The following NCAM2 variants were observed in gnomAD, a reference collection of about 807,000 sequenced individuals.
NCAM2 encodes N-CAM-2.
A neutral mutation model predicts 98.1 loss-of-function variants in NCAM2; 30 were observed. That is an observed-to-expected ratio of 0.31 (90% CI 0.23 to 0.41). The LOEUF (loss-of-function observed/expected upper bound fraction) is 0.41. Ranked by LOEUF, NCAM2 falls within the 10% of genes least tolerant of loss-of-function variation. The pLI, the probability that NCAM2 is intolerant of heterozygous loss-of-function variation, is 1.00. For missense variants in NCAM2, 867 were observed against 1,005.8 expected, an observed-to-expected ratio of 0.86 and a Z score of 1.87; for synonymous variants, 368 against 342.4, an observed-to-expected ratio of 1.07 and a Z score of -0.83.
At chr21:21,469,081 C>T (rs571294371) in intron 14 of NCAM2, among the ~76,000 whole-genome samples, 2 of 152,010 alleles carry the variant, frequency 1.3e-5, no homozygotes, top group South Asian at 2.1e-4. Flanking sequence ...TGACAAGCTT[C>T]TCATTTTATT....
intron 1 of NCAM2, among the ~76,000 whole-genome samples, chr21:21,143,804 GTTTTTT>G (rs201614786): frequency 1.6e-5 from 2 of 123,428 alleles, no homozygotes; most frequent in Non-Finnish European, 3.3e-5. Context: ...TTTTTAGGAA[GTTTTTT>G]TTTTTTTTTT....
chr21:21,535,523 A>C (rs938758995), intron 17 of NCAM2, among the ~76,000 whole-genome samples: 2 of 152,088 alleles, frequency 1.3e-5, no homozygotes, highest in African/African-American at 2.4e-5. Context: ...AAATGATTTT[A>C]TTTTCATAAA....
intron 1 of NCAM2, among the ~76,000 whole-genome samples, chr21:21,176,944 AT>A (rs1182544485): frequency 1.3e-5 from 2 of 151,992 alleles, no homozygotes; most frequent in Non-Finnish European, 2.9e-5. Context: ...CATACCTATT[AT>A]AACCAAAAAT....
intron 1 of NCAM2, among the ~76,000 whole-genome samples, chr21:21,129,380 A>C (rs143684561): frequency 2.6e-4 from 39 of 152,296 alleles, no homozygotes; most frequent in African/African-American, 8.4e-4. Context: ...CAAATAAAAG[A>C]AGGTTAAAGT....
At chr21:21,293,314 A>G (rs2073362185) in intron 5 of NCAM2, among the ~76,000 whole-genome samples, 1 of 151,566 alleles carries the variant, frequency 6.6e-6, no homozygotes, top group Admixed American at 6.6e-5. Context: ...AATTCATACA[A>G]CTTGGTTTCT....
intron 12 of NCAM2, among the ~76,000 whole-genome samples, chr21:21,447,282 C>A (rs1254238444): frequency 6.6e-6 from 1 of 151,944 alleles, no homozygotes; most frequent in Non-Finnish European, 1.5e-5. Flanking sequence ...ACAAACCTGA[C>A]AAAACAAGCA....
intron 1 of NCAM2, among the ~76,000 whole-genome samples, chr21:21,268,148 T>C (rs947246030): frequency 1.3e-5 from 2 of 152,186 alleles, no homozygotes; most frequent in Non-Finnish European, 2.9e-5. Context: ...AGGGGCTCCC[T>C]CATGTTGCCA....
chr21:21,412,735 A>G (rs1441231560), intron 10 of NCAM2, among the ~76,000 whole-genome samples: 1 of 152,218 alleles, frequency 6.6e-6, no homozygotes, highest in Non-Finnish European at 1.5e-5. Context: ...ACTCTCACAA[A>G]TTAAATTTAA....
At chr21:21,477,700 A>G (rs772083705) in intron 15 of NCAM2, among the ~76,000 whole-genome samples, 4 of 152,106 alleles carry the variant, frequency 2.6e-5, no homozygotes, top group Non-Finnish European at 5.9e-5. Context: ...GTGGTGGAGA[A>G]AGAATGACTA....
At chr21:21,384,959 T>C (rs2076233778) in intron 9 of NCAM2, among the ~76,000 whole-genome samples, 1 of 152,092 alleles carries the variant, frequency 6.6e-6, no homozygotes, top group Non-Finnish European at 1.5e-5. Context: ...ATTTAGCCTG[T>C]CCTCTCTTTT....
At chr21:21,205,514 A>G (rs1271526608) in intron 1 of NCAM2, among the ~76,000 whole-genome samples, 1 of 152,140 alleles carries the variant, frequency 6.6e-6, no homozygotes, top group Non-Finnish European at 1.5e-5. Context: ...ATAACTAGTG[A>G]CACATTATAA....
rs923320162 is a variant in NCAM2 at position 21,279,890 on chromosome 21, T to C, written c.56-688T>C. ...AGTTTGGAAAGTGGTCATGCTCTCT[T>C]TTCTACCATATTGTTAGAAATATGT... On this transcript the variant is annotated intron_variant, in intron 1 of 17. Coordinates refer to ENST00000400546, the MANE Select transcript of NCAM2 (RefSeq NM_004540.5). Among the ~76,000 whole-genome samples, 3 of 152,220 alleles carry C rather than the reference T, an allele frequency of 2.0e-5. No individual in the cohort carries two copies. In the South Asian group the frequency reaches 6.2e-4, roughly 32 times the overall value.
At chr21:21,405,415 A>T (rs145936314) in intron 9 of NCAM2, among the ~76,000 whole-genome samples, 1 of 152,154 alleles carries the variant, frequency 6.6e-6, no homozygotes, top group East Asian at 1.9e-4. Context: ...TTGAAAGTTG[A>T]TTATAGAACC....
At chr21:21,526,921 A>T (rs905949000) in intron 16 of NCAM2, among the ~76,000 whole-genome samples, 1 of 152,194 alleles carries the variant, frequency 6.6e-6, no homozygotes, top group Non-Finnish European at 1.5e-5. Context: ...ACTGTAATCC[A>T]TAAGAAAAAA....
At chr21:20,998,750 T>C (rs1422850783) in intron 1 of NCAM2, 132 bp downstream of exon 1, 9 of 908,916 alleles carry the variant, frequency 9.9e-6, no homozygotes, top group Non-Finnish European at 1.5e-5. Flanking sequence ...TTGTTATTAT[T>C]ATTTTCGTTC....
intron 12 of NCAM2, among the ~76,000 whole-genome samples, chr21:21,464,457 A>G (rs941788858): frequency 6.6e-6 from 1 of 152,078 alleles, no homozygotes; most frequent in African/African-American, 2.4e-5. Flanking sequence ...TTAATAAAAT[A>G]TTGTGATTTT....
intron 1 of NCAM2, among the ~76,000 whole-genome samples, chr21:21,128,756 AT>A (rs2066877758): frequency 1.3e-5 from 2 of 152,150 alleles, no homozygotes. Context: ...GAGTTAAGAA[AT>A]TATTTGACGT....
At chr21:21,010,393 T>A (rs1468426652) in intron 1 of NCAM2, among the ~76,000 whole-genome samples, 1 of 152,096 alleles carries the variant, frequency 6.6e-6, no homozygotes, top group Non-Finnish European at 1.5e-5. Context: ...TTTACTGTGC[T>A]CGTGTTATTA....
intron 1 of NCAM2, among the ~76,000 whole-genome samples, chr21:21,183,271 C>T (rs2068536896): frequency 6.6e-6 from 1 of 152,072 alleles, no homozygotes; most frequent in African/African-American, 2.4e-5. Flanking sequence ...ATAACTGATA[C>T]ATTATGAGGC....
Sources: gnomAD v4.1 joint callset for allele counts (sites outside exome capture counted in the v4.1 genomes callset) on GRCh38, gnomAD v4.1.1 for gene constraint, MANE v1.5 for transcripts, NCBI Gene and HGNC (gene_info 2026-07-23, HGNC 2026-07-21) for gene names.